Variants in OSGIN2 observed in about 807,000 individuals in gnomAD.
OSGIN2 encodes the protein oxidative stress induced growth inhibitor family member 2.
In OSGIN2, 19 loss-of-function variants were observed where a neutral mutation model predicts 53.8. That is an observed-to-expected ratio of 0.35 (90% CI 0.25 to 0.52). OSGIN2 has a LOEUF of 0.52. Among genes scored for constraint, OSGIN2 ranks in the 20% least tolerant of loss-of-function variants. The probability of loss-of-function intolerance (pLI) is 0.95; values close to 1 mark genes in which losing one functional copy is unlikely to be tolerated. For synonymous variants in OSGIN2, 236 were observed against 236.0 expected, an observed-to-expected ratio of 1.00 and a Z score of 0.00; for missense variants, 520 against 662.7, an observed-to-expected ratio of 0.78 and a Z score of 2.36.
intron 2 of OSGIN2, among the ~76,000 whole-genome samples, chr8:89,912,047 T>C (rs1040979492): frequency 2.6e-5 from 4 of 152,260 alleles, no homozygotes; most frequent in Non-Finnish European, 5.9e-5. Context: ...GCTTTCTCTG[T>C]TTCTAGTATT....
chr8:89,924,766 T>G lies in OSGIN2; in HGVS notation c.884T>G (p.Phe295Cys). The change falls in exon 6 of 6, where the codon TTC (phenylalanine) becomes TGC (cysteine). Residue 295 changes from phenylalanine (F) to cysteine (C), a missense_variant. Transcript: ENST00000451899. Reference protein sequence around the residue: ...QRIADGSHVPFCLFAENVALA... With the variant: ...QRIADGSHVPCCLFAENVALA... ...ATAGCTGATGGTTCTCATGTTCCCT[T>G]CTGCCTCTTTGCTGAGAATGTAGCG... The G allele has an allele frequency of 1.9e-6, 3 of 1,614,230 alleles. No homozygotes were observed. The South Asian group carries it at 3.3e-5, about 18-fold the overall frequency.
At chr8:89,912,575 G>A (rs566327957) in intron 2 of OSGIN2, among the ~76,000 whole-genome samples, 93 of 152,056 alleles carry the variant, frequency 6.1e-4, no homozygotes, top group Non-Finnish European at 9.4e-4. Context: ...CTGAAACCCC[G>A]TCTCTACTAA....
chr8:89,902,895 T>C, intron 1 of OSGIN2, 58 bp downstream of exon 1: 1 of 1,233,672 alleles, frequency 8.1e-7, no homozygotes. Context: ...CTCTCGAGCT[T>C]TTTGGCCTGG....
rs982584520 is a variant in OSGIN2, at chr8:89,914,761, C to T, written c.528+15C>T. ...GGGCTTGGCATGTGAGTATATTTTT[C>T]TTAGCATTTTAGTGTATGTGAATTA... is the stretch of plus-strand genomic sequence containing the variant. On this transcript the variant is annotated intron_variant, in intron 4 of 5. Coordinates refer to ENST00000451899, the MANE Select transcript of OSGIN2 (RefSeq NM_001126111.3). 8 of 1,596,284 alleles carry T rather than the reference C, an allele frequency of 5.0e-6. No homozygotes were observed. The highest frequency in any genetic ancestry group is 1.7e-4 in the Middle Eastern group (1 of 6,016).
chr8:89,908,119 C>T (rs2130691303), intron 1 of OSGIN2, among the ~76,000 whole-genome samples: 1 of 152,254 alleles, frequency 6.6e-6, no homozygotes, highest in East Asian at 1.9e-4. Flanking sequence ...ATGCAGTTGC[C>T]AAGAGGTAGA....
chr8:89,922,750 G>A (rs1185861810), intron 5 of OSGIN2, among the ~76,000 whole-genome samples: 2 of 152,114 alleles, frequency 1.3e-5, no homozygotes, highest in African/African-American at 4.8e-5. Context: ...GATATGTTCT[G>A]AGAATTGTGT....
chr8:89,915,552 G>A (rs575351106), intron 4 of OSGIN2, among the ~76,000 whole-genome samples: 2 of 152,308 alleles, frequency 1.3e-5, no homozygotes, highest in South Asian at 4.1e-4. Context: ...CATTTCATTA[G>A]GGGGCCAGTA....
At chr8:89,922,640 T>C (rs148227596) in intron 5 of OSGIN2, among the ~76,000 whole-genome samples, 7 of 152,228 alleles carry the variant, frequency 4.6e-5, no homozygotes, top group Admixed American at 3.9e-4. Context: ...TTCCGACTTA[T>C]GACTTCTAGT....
chr8:89,916,472 T>TACC (rs1226563778), intron 4 of OSGIN2, among the ~76,000 whole-genome samples: 1 of 152,238 alleles, frequency 6.6e-6, no homozygotes, highest in Non-Finnish European at 1.5e-5. Context: ...TACTTGATCC[T>TACC]ACCTGCATTC....
At chr8:89,902,097 A>G (rs1585993956), upstream of OSGIN2, 1 of 152,178 alleles carries the variant, frequency 6.6e-6, no homozygotes, top group African/African-American at 2.4e-5. Context: ...CGGCGTCTGC[A>G]CCCCGGCAGC....
intron 1 of OSGIN2, among the ~76,000 whole-genome samples, chr8:89,909,051 CAT>C (rs890126567): frequency 2.4e-4 from 22 of 92,588 alleles, no homozygotes; most frequent in Admixed American, 7.0e-4. Context: ...TATATATATA[CAT>C]ATATATATAT....
chr8:89,910,034 C>T (rs2130695062), intron 2 of OSGIN2, among the ~76,000 whole-genome samples: 1 of 152,194 alleles, frequency 6.6e-6, no homozygotes, highest in East Asian at 1.9e-4. Context: ...GAAGAGTATT[C>T]TATGTATATT....
chr8:89,910,793 C>T (rs951832249), intron 2 of OSGIN2, among the ~76,000 whole-genome samples: 1 of 152,192 alleles, frequency 6.6e-6, no homozygotes, highest in Admixed American at 6.5e-5. Flanking sequence ...CTGCCCACTC[C>T]ACTTCCCACA....
Position 89,925,358 on chromosome 8 carries a change from A to G in OSGIN2, c.1476A>G (p.Thr492=). 1 of 1,614,152 alleles carries G rather than the reference A, an allele frequency of 6.2e-7. No individual in the cohort carries two copies. Among genetic ancestry groups the G allele is most frequent in the Non-Finnish European group, 8.5e-7 (1 of 1,179,980 alleles). The stretch of plus-strand genomic sequence containing the variant: ...AGGGTAATCCTGTGGAAATAGATAC[A>G]TATACCTATGAGTGTATTAAAGAAG... ...TCKGNPVEID[T]YTYECIKEAN... Residue 492 remains threonine, a synonymous_variant, in exon 6 of 6, where the codon ACA becomes ACG. Coordinates refer to ENST00000451899, the MANE Select transcript of OSGIN2 (RefSeq NM_001126111.3).
intron 1 of OSGIN2, among the ~76,000 whole-genome samples, chr8:89,906,139 T>C (rs1455467070): frequency 6.6e-6 from 1 of 151,568 alleles, no homozygotes; most frequent in Non-Finnish European, 1.5e-5. Context: ...TAGGTAAACA[T>C]GTGTCATGGG....
chr8:89,924,356 A>T (rs1464471457), intron 5 of OSGIN2, 147 bp from the exon 6 acceptor site: 3 of 559,118 alleles, frequency 5.4e-6, no homozygotes, highest in Non-Finnish European at 5.9e-6. Flanking sequence ...AACTAAAAAT[A>T]GTTTTTTTTT....
At chr8:89,924,449 C>A in intron 5 of OSGIN2, 54 bp from the exon 6 acceptor site, 1 of 1,296,538 alleles carries the variant, frequency 7.7e-7, no homozygotes, top group Non-Finnish European at 1.1e-6. Flanking sequence ...AAGTAATAAT[C>A]ATGGAAACTG....
chr8:89,908,479 C>G (rs1340658330), intron 1 of OSGIN2, among the ~76,000 whole-genome samples: 1 of 152,148 alleles, frequency 6.6e-6, no homozygotes, highest in Non-Finnish European at 1.5e-5. Context: ...TTATCAACCT[C>G]CTCTGGGATC....
At chr8:89,908,542 T>A (rs1473085714) in intron 1 of OSGIN2, among the ~76,000 whole-genome samples, 1 of 152,188 alleles carries the variant, frequency 6.6e-6, no homozygotes, top group East Asian at 1.9e-4. Flanking sequence ...ATTTATCATC[T>A]GAGAGTAGTA....
Sources: allele counts gnomAD v4.1 joint callset (sites outside exome capture counted in the v4.1 genomes callset), GRCh38; gene constraint gnomAD v4.1.1; transcripts MANE v1.5; gene names NCBI Gene and HGNC (gene_info 2026-07-23, HGNC 2026-07-21).